The following DCT variants were observed in gnomAD, a reference collection of about 807,000 sequenced individuals.
DCT encodes dopachrome tautomerase.
A neutral mutation model predicts 53.0 loss-of-function variants in DCT; 47 were observed. The observed-to-expected ratio is 0.89, with a 90% CI of 0.70 to 1.13. DCT has a LOEUF of 1.13. Among genes scored for constraint, DCT ranks in the 50% most tolerant of loss-of-function variants. DCT has a pLI of 0.00. For synonymous variants in DCT, 244 were observed against 237.0 expected, an observed-to-expected ratio of 1.03 and a Z score of -0.27; for missense variants, 669 against 637.4, an observed-to-expected ratio of 1.05 and a Z score of -0.53.
the DCT span, among the ~76,000 whole-genome samples, chr13:94,541,339 A>T: frequency 6.6e-6 from 1 of 152,070 alleles, no homozygotes; most frequent in Non-Finnish European, 1.5e-5. Context: ...CCACATCTCT[A>T]CTAAAAGTAC....
the DCT span, among the ~76,000 whole-genome samples, chr13:94,530,508 C>G: frequency 6.6e-6 from 1 of 152,172 alleles, no homozygotes; most frequent in Non-Finnish European, 1.5e-5. Flanking sequence ...CGAACGTAAT[C>G]CATCACATAA....
intron 7 of DCT, 115 bp downstream of exon 7, chr13:94,443,321 C>T: frequency 2.5e-6 from 2 of 810,056 alleles, no homozygotes; most frequent in Admixed American, 5.0e-5. Context: ...ATAAACTTAA[C>T]TAGACCTGAA....
At chr13:94,549,023 G>A in the DCT span, among the ~76,000 whole-genome samples, 1 of 152,172 alleles carries the variant, frequency 6.6e-6, no homozygotes, top group African/African-American at 2.4e-5. Flanking sequence ...CCTGGCCAAC[G>A]TTCTTTAGTC....
At chr13:94,445,196 T>C (rs1183967804) in intron 6 of DCT, among the ~76,000 whole-genome samples, 2 of 152,244 alleles carry the variant, frequency 1.3e-5, no homozygotes, top group Non-Finnish European at 1.5e-5. Flanking sequence ...TTCTAGAATC[T>C]TGCCACTCCC....
At chr13:94,522,214 T>A in the DCT span, among the ~76,000 whole-genome samples, 23 of 152,204 alleles carry the variant, frequency 1.5e-4, no homozygotes, top group Non-Finnish European at 3.2e-4. Context: ...TTTGAGTCAG[T>A]GAGCTGGGAA....
At position 94,443,649 on chromosome 13, in the gene DCT, T is replaced by A. The variant is rs374103766; in HGVS notation, c.1180-12A>T. The stretch of plus-strand genomic sequence containing the variant: ...AAGGAATGAAGAACCTGCAAAACAG[T>A]TGGACACAGCATTTAACATAAATCA... On this transcript the variant is annotated splice_polypyrimidine_tract_variant and intron_variant, in intron 6 of 7. Transcript: ENST00000377028. The A allele has an allele frequency of 2.5e-6, 4 of 1,604,122 alleles. No individual in the cohort carries two copies. The highest frequency in any genetic ancestry group is 1.3e-5 in the African/African-American group (1 of 74,690).
intron 1 of DCT, among the ~76,000 whole-genome samples, chr13:94,474,121 T>C (rs183045169): frequency 6.6e-6 from 1 of 152,214 alleles, no homozygotes; most frequent in Non-Finnish European, 1.5e-5. Flanking sequence ...AACCGTGTTA[T>C]CTTACTGGGA....
chr13:94,451,310 G>T (rs1344291237), intron 6 of DCT, among the ~76,000 whole-genome samples: 2 of 152,180 alleles, frequency 1.3e-5, no homozygotes, highest in Non-Finnish European at 2.9e-5. Flanking sequence ...AGTCAGATCT[G>T]CCCTTCACCA....
intron 1 of DCT, among the ~76,000 whole-genome samples, chr13:94,478,349 T>G (rs1029923039): frequency 6.6e-6 from 1 of 151,802 alleles, no homozygotes; most frequent in East Asian, 1.9e-4. Context: ...TGATGGCGGG[T>G]GCCTGTAATC....
chr13:94,534,051 C>T, the DCT span, among the ~76,000 whole-genome samples: 1 of 152,002 alleles, frequency 6.6e-6, no homozygotes, highest in Non-Finnish European at 1.5e-5. Flanking sequence ...TCCAATAGAA[C>T]AAGATCAAAA....
rs141082073 is a variant in DCT at position 94,470,818 on chromosome 13, A to C, written c.296-1773T>G. Among the ~76,000 whole-genome samples, 99 of 152,260 alleles carry C rather than the reference A, an allele frequency of 6.5e-4. 1 individual carries two copies. Among genetic ancestry groups the C allele is most frequent in the African/African-American group, 2.3e-3 (95 of 41,548 alleles). On this transcript the variant is annotated intron_variant, in intron 1 of 7. Coordinates refer to ENST00000377028, the MANE Select transcript of DCT (RefSeq NM_001922.5). ...TCAGTTACTTCCTTGCACCTCATAC[A>C]TCCCCTTTCTTCACATTTATTTACA...
chr13:94,505,025 C>G, the DCT span, among the ~76,000 whole-genome samples: 2 of 152,006 alleles, frequency 1.3e-5, no homozygotes, highest in Non-Finnish European at 2.9e-5. Context: ...ATTTCAGCAA[C>G]AGAGTGGATG....
chr13:94,516,440 C>T, the DCT span, among the ~76,000 whole-genome samples: 1 of 152,112 alleles, frequency 6.6e-6, no homozygotes, highest in African/African-American at 2.4e-5. Flanking sequence ...CTAAAGATTT[C>T]ACGGTTTGTC....
intron 2 of DCT, 48 bp from the exon 3 acceptor site, chr13:94,466,706 A>T (rs982871657): frequency 2.3e-6 from 3 of 1,311,792 alleles, no homozygotes; most frequent in East Asian, 2.3e-5. Context: ...AGAATTTTTT[A>T]AAATGTTAAA....
At chr13:94,466,767 T>C (rs975464004) in intron 2 of DCT, 109 bp from the exon 3 acceptor site, 12 of 561,002 alleles carry the variant, frequency 2.1e-5, no homozygotes, top group Non-Finnish European at 3.5e-5. Flanking sequence ...TGTTTTATAG[T>C]AGTAAGAAAA....
chr13:94,446,629 T>G (rs573124467), intron 6 of DCT, among the ~76,000 whole-genome samples: 7 of 152,282 alleles, frequency 4.6e-5, no homozygotes, highest in Admixed American at 3.9e-4. Context: ...ACAACAGGCA[T>G]TTGTCTTACG....
At chr13:94,471,135 A>G (rs1402899615) in intron 1 of DCT, among the ~76,000 whole-genome samples, 1 of 152,232 alleles carries the variant, frequency 6.6e-6, no homozygotes, top group African/African-American at 2.4e-5. Context: ...TCTCAAGGAA[A>G]GGAAAATTTT....
At chr13:94,526,997 G>A in the DCT span, among the ~76,000 whole-genome samples, 61,355 of 151,904 alleles carry the variant, frequency 0.4, 13,127 homozygotes, top group East Asian at 0.62. Context: ...TGGGTGCCAC[G>A]CCCATGGAGC....
chr13:94,456,359 T>C (rs888069691), intron 6 of DCT, among the ~76,000 whole-genome samples: 6 of 152,166 alleles, frequency 3.9e-5, no homozygotes, highest in African/African-American at 1.2e-4. Flanking sequence ...TTAGAATCAT[T>C]GAAAGCTATA....
Sources: allele counts gnomAD v4.1 joint callset (sites outside exome capture counted in the v4.1 genomes callset), GRCh38; gene constraint gnomAD v4.1.1; transcripts MANE v1.5; gene names NCBI Gene and HGNC (gene_info 2026-07-23, HGNC 2026-07-21).